Variants in CNKSR2 observed in about 807,000 individuals in gnomAD.
CNKSR2 encodes the protein connector enhancer of kinase suppressor of Ras 2.
In CNKSR2, 14 loss-of-function variants were observed where a neutral mutation model predicts 84.4. The ratio of observed to expected loss-of-function variants is 0.17; its 90% CI spans 0.11 to 0.26. CNKSR2 has a LOEUF of 0.26. Ranked by LOEUF, CNKSR2 falls within the 10% of genes least tolerant of loss-of-function variation. The pLI is 1.00. For synonymous variants in CNKSR2, 275 were observed against 277.9 expected (o/e 0.99, Z 0.10); for missense variants, 485 against 771.2 (o/e 0.63, Z 4.40).
At chrX:21,430,320 G>C (rs1435729809) in intron 2 of CNKSR2, among the ~76,000 whole-genome samples, 2 of 111,385 alleles carry the variant, frequency 1.8e-5, no homozygotes, top group Non-Finnish European at 3.8e-5. Context: ...AAATTTTGAA[G>C]ACTCTGGAAT....
chrX:21,398,288 A>T (rs753441415), intron 1 of CNKSR2, among the ~76,000 whole-genome samples: 37 of 112,053 alleles, frequency 3.3e-4, no homozygotes, highest in African/African-American at 1.1e-3. Context: ...TAATATTTAT[A>T]TAGGTCTCTT....
At chrX:21,413,021 T>C (rs1011253921) in intron 1 of CNKSR2, among the ~76,000 whole-genome samples, 1 of 111,617 alleles carries the variant, frequency 9.0e-6, no homozygotes, top group Non-Finnish European at 1.9e-5. Context: ...TCTTTTCATC[T>C]TGCAAAACTG....
At chrX:21,395,242 T>C (rs1266988413) in intron 1 of CNKSR2, among the ~76,000 whole-genome samples, 1 of 112,042 alleles carries the variant, frequency 8.9e-6, no homozygotes, top group Non-Finnish European at 1.9e-5. Flanking sequence ...AACTCATATA[T>C]AAGACTTCAT....
intron 13 of CNKSR2, among the ~76,000 whole-genome samples, chrX:21,564,986 C>G (rs1286314695): frequency 9.0e-6 from 1 of 111,602 alleles, no homozygotes; most frequent in Non-Finnish European, 1.9e-5. Context: ...GTTATTACCA[C>G]TATTCAGAAG....
intron 2 of CNKSR2, chrX:21,427,105 C>A (rs1320179826): frequency 8.0e-6 from 1 of 124,275 alleles, no homozygotes; most frequent in Non-Finnish European, 1.6e-5. Context: ...GATGTCTAGA[C>A]CACTTCTAAG....
intron 17 of CNKSR2, among the ~76,000 whole-genome samples, chrX:21,600,150 A>G (rs922607049): frequency 2.7e-5 from 3 of 111,944 alleles, no homozygotes; most frequent in South Asian, 3.7e-4. Flanking sequence ...GATTTTGTCT[A>G]TTAGAGACAG....
intron 8 of CNKSR2, among the ~76,000 whole-genome samples, chrX:21,511,965 C>T (rs1333119145): frequency 1.8e-5 from 2 of 111,362 alleles, no homozygotes; most frequent in East Asian, 5.7e-4. Flanking sequence ...GGTTAGGTGC[C>T]CCTGTTGGGG....
chrX:21,460,182 C>T (rs930989532), intron 4 of CNKSR2, among the ~76,000 whole-genome samples: 1 of 112,101 alleles, frequency 8.9e-6, no homozygotes, highest in South Asian at 3.7e-4. Flanking sequence ...TGTTTCCATT[C>T]TAATTCAGTT....
chrX:21,556,788 G>T (rs2092143855), intron 11 of CNKSR2, among the ~76,000 whole-genome samples: 1 of 110,697 alleles, frequency 9.0e-6, no homozygotes, highest in Non-Finnish European at 1.9e-5. Flanking sequence ...TTTCTACAAG[G>T]TTTTCTGTAA....
chrX:21,555,275 G>C (rs2092129327), intron 11 of CNKSR2, among the ~76,000 whole-genome samples: 1 of 111,105 alleles, frequency 9.0e-6, no homozygotes, highest in African/African-American at 3.3e-5. Flanking sequence ...TCAATACAAA[G>C]TTTATATTTG....
intron 8 of CNKSR2, among the ~76,000 whole-genome samples, chrX:21,515,406 C>T (rs1269097701): frequency 9.0e-6 from 1 of 111,148 alleles, no homozygotes; most frequent in Non-Finnish European, 1.9e-5. Flanking sequence ...TAGAAAGAAA[C>T]TGTTATCACT....
intron 8 of CNKSR2, chrX:21,505,056 A>C (rs1201469536): frequency 8.1e-6 from 2 of 246,940 alleles, no homozygotes; most frequent in African/African-American, 5.7e-5. Context: ...CTTTTAACAC[A>C]TTTTTTTAGC....
At chrX:21,460,467 C>T (rs1320798208) in intron 4 of CNKSR2, among the ~76,000 whole-genome samples, 1 of 111,661 alleles carries the variant, frequency 9.0e-6, no homozygotes, top group East Asian at 2.8e-4. Context: ...ATGTTTGATG[C>T]AGGCATGCAA....
intron 9 of CNKSR2, among the ~76,000 whole-genome samples, chrX:21,522,899 A>G (rs753790057): frequency 9.0e-6 from 1 of 111,248 alleles, no homozygotes; most frequent in African/African-American, 3.2e-5. Flanking sequence ...GTATTTATAC[A>G]TTCAAACTGA....
chrX:21,585,445 A>AAG (rs2147238373), intron 13 of CNKSR2, among the ~76,000 whole-genome samples: 1 of 107,021 alleles, frequency 9.3e-6, no homozygotes, highest in African/African-American at 3.4e-5. Flanking sequence ...TCATATTATA[A>AAG]ATACATTCAT....
chrX:21,643,506 A>C (rs1375236233), intron 20 of CNKSR2: 2 of 111,985 alleles, frequency 1.8e-5, no homozygotes, highest in African/African-American at 6.5e-5. Context: ...ATTGACAGAC[A>C]CAAGTACTTG....
intron 9 of CNKSR2, among the ~76,000 whole-genome samples, chrX:21,524,981 G>A (rs1338333269): frequency 9.0e-6 from 1 of 110,964 alleles, no homozygotes; most frequent in Non-Finnish European, 1.9e-5. Flanking sequence ...ATTCTGTTAA[G>A]TGAATGTTTT....
intron 11 of CNKSR2, among the ~76,000 whole-genome samples, chrX:21,534,422 A>G (rs927752812): frequency 1.8e-5 from 2 of 110,330 alleles, no homozygotes; most frequent in African/African-American, 6.6e-5. Context: ...TCTTTGACAT[A>G]CTGATTTCCT....
rs1049391550 is a variant in CNKSR2, at chrX:21,374,631, GC to G, written c.-265del. 2.2e-6 allele frequency: 1 copy of G among 461,428 alleles called. No individual in the cohort carries two copies. The highest frequency in any genetic ancestry group is 3.9e-6 in the Non-Finnish European group (1 of 259,608). The allele number at this position is 461,428 out of a possible 1,213,427, so 38.0% of individuals were successfully genotyped here. ...AGCAGCAGCAGCAGCAGCAGCAGCAGCCGCCGCCGCCGCCGCCTTAGCGGGA... is the reference window on the plus strand; with the variant it reads ...AGCAGCAGCAGCAGCAGCAGCAGCAGCGCCGCCGCCGCCGCCTTAGCGGGA... On this transcript the variant is annotated 5_prime_UTR_variant, in exon 1 of 22. Coordinates refer to ENST00000379510, the MANE Select transcript of CNKSR2 (RefSeq NM_014927.5).
Sources: allele counts gnomAD v4.1 joint callset (sites outside exome capture counted in the v4.1 genomes callset), GRCh38; gene constraint gnomAD v4.1.1; transcripts MANE v1.5; gene names NCBI Gene and HGNC (gene_info 2026-07-23, HGNC 2026-07-21).